PCTP: variants seen among roughly 807,000 people sequenced by gnomAD.
PCTP encodes the protein phosphatidylcholine transfer protein.
Under a neutral mutation model 31.0 loss-of-function variants are expected in PCTP, and 27 were observed. The observed-to-expected ratio is 0.87, with a 90% CI of 0.64 to 1.20. PCTP has a LOEUF of 1.20. Among genes scored for constraint, PCTP ranks in the 50% most tolerant of loss-of-function variants. The pLI is 0.00. For missense variants in PCTP, 287 were observed against 268.2 expected (o/e 1.07, Z -0.49); for synonymous variants, 108 against 101.2 (o/e 1.07, Z -0.40).
At chr17:55,835,065 T>C (rs1305083402) in intron 5 of PCTP, among the ~76,000 whole-genome samples, 2 of 152,080 alleles carry the variant, frequency 1.3e-5, no homozygotes, top group Admixed American at 1.3e-4. Context: ...AAGACAATTA[T>C]GGGAAGTTGA....
At chr17:55,794,453 T>G (rs1567723468) in intron 3 of PCTP, among the ~76,000 whole-genome samples, 1 of 150,714 alleles carries the variant, frequency 6.6e-6, no homozygotes, top group African/African-American at 2.4e-5. Flanking sequence ...CATTTGGGTG[T>G]TTTTTTTTAA....
chr17:55,791,215 T>C (rs1911959903), intron 3 of PCTP, among the ~76,000 whole-genome samples: 1 of 152,002 alleles, frequency 6.6e-6, no homozygotes, highest in Admixed American at 6.5e-5. Flanking sequence ...GAAGAAAACC[T>C]AGGCATTACC....
chr17:55,852,234 G>C, the PCTP span, among the ~76,000 whole-genome samples: 1 of 152,166 alleles, frequency 6.6e-6, no homozygotes, highest in African/African-American at 2.4e-5. Flanking sequence ...AATAAGACAA[G>C]AGTATGTCTT....
chr17:55,775,671 A>G (rs1597989920), intron 5 of PCTP: 5 of 1,209,530 alleles, frequency 4.1e-6, no homozygotes, highest in Admixed American at 8.5e-5. Context: ...AATCCTTACC[A>G]TTTTCTAATT....
At chr17:55,792,148 G>A (rs1487851787) in intron 3 of PCTP, among the ~76,000 whole-genome samples, 2 of 123,210 alleles carry the variant, frequency 1.6e-5, no homozygotes, top group Non-Finnish European at 3.2e-5. Context: ...ACACTCTGGG[G>A]ACTGTTGTGG....
At chr17:55,800,077 C>T (rs186246196) in intron 3 of PCTP, among the ~76,000 whole-genome samples, 1 of 152,100 alleles carries the variant, frequency 6.6e-6, no homozygotes, top group African/African-American at 2.4e-5. Context: ...CGAGGAGTAT[C>T]TTTGCGGTGT....
downstream of PCTP, among the ~76,000 whole-genome samples, chr17:55,824,901 A>T (rs552324571): frequency 5.3e-5 from 8 of 152,288 alleles, no homozygotes; most frequent in East Asian, 1.5e-3. Flanking sequence ...TTTCATCTTT[A>T]TTCTAATGGT....
downstream of PCTP, among the ~76,000 whole-genome samples, chr17:55,845,859 C>T (rs1256307467): frequency 6.7e-6 from 1 of 148,670 alleles, no homozygotes; most frequent in East Asian, 2.0e-4. Flanking sequence ...GAATTTCAAA[C>T]TTAAGTTGGA....
rs1405110520 is a variant in PCTP at position 55,751,065 on chromosome 17, G to T, written c.-39G>T. On this transcript the variant is annotated 5_prime_UTR_variant, in exon 1 of 6. Transcript: ENST00000268896. ...CCAGGCCCACACTAAGGGTGTCCGCGGCCTGCCCTCCAGGCGGAGGAGCCC... is the reference window on the plus strand; with the variant it reads ...CCAGGCCCACACTAAGGGTGTCCGCTGCCTGCCCTCCAGGCGGAGGAGCCC... 3.4e-6 allele frequency: 5 copies of T among 1,489,214 alleles called. No individual in the cohort carries two copies. Among genetic ancestry groups the T allele is most frequent in the Non-Finnish European group, 2.7e-6 (3 of 1,122,176 alleles). 92.3% of individuals were successfully genotyped at this position (1,489,214 alleles called of 1,614,324 possible).
intron 3 of PCTP, among the ~76,000 whole-genome samples, chr17:55,792,392 G>A (rs1412671383): frequency 6.6e-6 from 1 of 151,582 alleles, no homozygotes; most frequent in Non-Finnish European, 1.5e-5. Flanking sequence ...GAAAAGGAGG[G>A]AATGTAGCTA....
rs1305254994 is a variant in PCTP at position 55,775,389 on chromosome 17, G to C, written c.579+530G>C. The C allele has an allele frequency of 4.1e-6, 5 of 1,231,794 alleles. No homozygotes were observed. In the African/African-American group the frequency reaches 7.8e-5, roughly 19 times the overall value. The allele number at this position is 1,231,794 out of a possible 1,614,324, so 76.3% of individuals were successfully genotyped here. A position where few individuals can be genotyped will look rare whatever the true frequency, so the allele number is the denominator to read the frequency against. ...ATTATGGGGACCATCAGCCTGCTTT[G>C]CACAAGATCTACTACTAGAGAGCTC... is the stretch of plus-strand genomic sequence containing the variant. On this transcript the variant is annotated intron_variant, in intron 5 of 5. Coordinates refer to ENST00000268896, the MANE Select transcript of PCTP (RefSeq NM_021213.4).
At chr17:55,758,071 C>T (rs1420905167) in intron 1 of PCTP, among the ~76,000 whole-genome samples, 2 of 152,132 alleles carry the variant, frequency 1.3e-5, no homozygotes, top group Admixed American at 6.5e-5. Context: ...CTTCAGGCTT[C>T]GTTACCATGC....
intron 2 of PCTP, chr17:55,787,536 G>A (rs1048534822): frequency 1.3e-5 from 2 of 151,884 alleles, no homozygotes; most frequent in Admixed American, 1.3e-4. Flanking sequence ...TGTATTTTTA[G>A]TAAATACTGG....
intron 5 of PCTP, among the ~76,000 whole-genome samples, chr17:55,837,074 AC>A (rs35520945): frequency 0.13 from 19,073 of 152,112 alleles, 1,357 homozygotes; most frequent in East Asian, 0.35. Context: ...TATGGTAGTT[AC>A]AGGAAGCAGT....
At chr17:55,766,106 A>G (rs1430845757) in intron 1 of PCTP, among the ~76,000 whole-genome samples, 1 of 152,092 alleles carries the variant, frequency 6.6e-6, no homozygotes, top group South Asian at 2.1e-4. Context: ...AATTACCTAG[A>G]TGGCACTTAT....
intron 3 of PCTP, among the ~76,000 whole-genome samples, chr17:55,772,313 G>A (rs1185339190): frequency 6.6e-6 from 1 of 151,864 alleles, no homozygotes; most frequent in East Asian, 1.9e-4. Flanking sequence ...GGGACTGAAC[G>A]CGGGTGGCTC....
intron 3 of PCTP, among the ~76,000 whole-genome samples, chr17:55,792,325 GAA>G (rs57600964): frequency 1.4e-5 from 2 of 140,276 alleles, no homozygotes; most frequent in African/African-American, 5.1e-5. Flanking sequence ...ATAAAAAAAA[GAA>G]AAAAAAAAGA....
At chr17:55,812,010 C>T (rs1912768164) in intron 3 of PCTP, among the ~76,000 whole-genome samples, 1 of 152,098 alleles carries the variant, frequency 6.6e-6, no homozygotes, top group African/African-American at 2.4e-5. Context: ...ATTGAATCTT[C>T]CTGGTAGCGC....
chr17:55,752,019 G>A (rs1909744232), intron 1 of PCTP, among the ~76,000 whole-genome samples: 2 of 152,184 alleles, frequency 1.3e-5, no homozygotes, highest in South Asian at 4.1e-4. Context: ...GGATATTATA[G>A]TGTTAGAGTT....
Sources: allele counts gnomAD v4.1 joint callset (sites outside exome capture counted in the v4.1 genomes callset), GRCh38; gene constraint gnomAD v4.1.1; transcripts MANE v1.5; gene names NCBI Gene and HGNC (gene_info 2026-07-23, HGNC 2026-07-21).